Variants in SAMMSON observed in about 807,000 individuals in gnomAD.
The protein encoded by SAMMSON is long intergenic non-protein coding RNA 1212.
At chr3:70,006,744 G>A (rs955336533) in intron 1 of SAMMSON, among the ~76,000 whole-genome samples, 2 of 151,300 alleles carry the variant, frequency 1.3e-5, no homozygotes, top group African/African-American at 4.9e-5. Context: ...TGCCATGTTG[G>A]TGTGCTGCAC....
intron 6 of SAMMSON, among the ~76,000 whole-genome samples, chr3:70,265,447 C>G (rs144140988): frequency 6.6e-6 from 1 of 152,044 alleles, no homozygotes; most frequent in African/African-American, 2.4e-5. Flanking sequence ...ATTTGATGAC[C>G]ACCACCCCAA....
At chr3:70,049,331 C>T (rs1024468262) in intron 3 of SAMMSON, among the ~76,000 whole-genome samples, 7 of 152,100 alleles carry the variant, frequency 4.6e-5, no homozygotes, top group African/African-American at 1.4e-4. Flanking sequence ...AAAGGCTACC[C>T]AGAGGAAATA....
At chr3:70,224,545 C>G (rs1332457963) in intron 4 of SAMMSON, among the ~76,000 whole-genome samples, 1 of 152,160 alleles carries the variant, frequency 6.6e-6, no homozygotes, top group Non-Finnish European at 1.5e-5. Flanking sequence ...ATACATTTAA[C>G]ACAACACTAT....
chr3:70,403,035 A>T (rs1210304270), intron 2 of SAMMSON, among the ~76,000 whole-genome samples: 2 of 152,158 alleles, frequency 1.3e-5, no homozygotes, highest in African/African-American at 4.8e-5. Context: ...TATGCTTTAT[A>T]GTCACAGATG....
chr3:70,383,397 C>CA (rs1237736980), intron 9 of SAMMSON, among the ~76,000 whole-genome samples: 1 of 149,756 alleles, frequency 6.7e-6, no homozygotes, highest in Non-Finnish European at 1.5e-5. Context: ...CAGGTAAAAG[C>CA]AAAAAGTCAT....
chr3:70,085,316 A>G (rs2106643517), intron 4 of SAMMSON, among the ~76,000 whole-genome samples: 1 of 152,292 alleles, frequency 6.6e-6, no homozygotes, highest in Admixed American at 6.5e-5. Context: ...ACATGCGAGA[A>G]TTCTTTCTGG....
chr3:70,286,680 C>T (rs1229334304), intron 6 of SAMMSON, among the ~76,000 whole-genome samples: 1 of 152,054 alleles, frequency 6.6e-6, no homozygotes, highest in Admixed American at 6.6e-5. Context: ...ATTGATTCTT[C>T]CTACCCATGA....
intron 7 of SAMMSON, among the ~76,000 whole-genome samples, chr3:70,293,290 T>TA (rs1362294824): frequency 6.6e-6 from 1 of 152,084 alleles, no homozygotes; most frequent in Admixed American, 6.6e-5. Context: ...AACAATTACA[T>TA]ACAATTATCA....
intron 4 of SAMMSON, among the ~76,000 whole-genome samples, chr3:70,228,072 G>A (rs933649746): frequency 1.3e-5 from 2 of 151,744 alleles, no homozygotes; most frequent in Non-Finnish European, 2.9e-5. Context: ...ATATCAGATT[G>A]AATAGGTCAC....
At chr3:70,025,000 G>T (rs12496787) in intron 3 of SAMMSON, 42,348 of 151,930 alleles carry the variant, frequency 0.28, 6,356 homozygotes, top group East Asian at 0.57. Flanking sequence ...GGGAGAAGAT[G>T]GGGCTGGAAG....
chr3:70,267,321 A>G (rs1242534172), intron 6 of SAMMSON, among the ~76,000 whole-genome samples: 1 of 151,132 alleles, frequency 6.6e-6, no homozygotes, highest in Non-Finnish European at 1.5e-5. Flanking sequence ...TCATCTAAGT[A>G]TCAAGTTTTC....
intron 3 of SAMMSON, among the ~76,000 whole-genome samples, chr3:70,040,594 G>T (rs1408116628): frequency 3.9e-5 from 6 of 152,118 alleles, no homozygotes. Flanking sequence ...CTAAAATCAT[G>T]AGTCAATGCT....
intron 6 of SAMMSON, among the ~76,000 whole-genome samples, chr3:70,254,092 C>G (rs756083146): frequency 7.2e-5 from 11 of 151,832 alleles, no homozygotes; most frequent in Non-Finnish European, 1.6e-4. Context: ...TTTTAATATT[C>G]TTTTCAGAGC....
chr3:70,160,258 A>G (rs1423079032), intron 4 of SAMMSON, among the ~76,000 whole-genome samples: 4 of 151,552 alleles, frequency 2.6e-5, no homozygotes, highest in African/African-American at 9.7e-5. Context: ...GTTTTCTTCT[A>G]TAAGTTGTAT....
chr3:70,280,514 G>A (rs896963145), intron 6 of SAMMSON, among the ~76,000 whole-genome samples: 1 of 152,130 alleles, frequency 6.6e-6, no homozygotes, highest in African/African-American at 2.4e-5. Context: ...TAGGGGAGCT[G>A]AGCTGAAGCA....
At chr3:70,017,439 C>T (rs1462820272) in intron 3 of SAMMSON, among the ~76,000 whole-genome samples, 2 of 151,978 alleles carry the variant, frequency 1.3e-5, no homozygotes, top group African/African-American at 4.8e-5. Context: ...AATTTGTATC[C>T]TGAGACTTTG....
At chr3:70,006,018 ATAGTTT>A (rs1158188410) in intron 1 of SAMMSON, among the ~76,000 whole-genome samples, 1 of 152,214 alleles carries the variant, frequency 6.6e-6, no homozygotes, top group Non-Finnish European at 1.5e-5. Flanking sequence ...TAAAAGAATT[ATAGTTT>A]TAATAACTAG....
chr3:70,215,346 C>T (rs1442386097), intron 4 of SAMMSON, among the ~76,000 whole-genome samples: 2 of 152,048 alleles, frequency 1.3e-5, no homozygotes, highest in African/African-American at 2.4e-5. Context: ...GCTTCAGAAA[C>T]GAAGCACTCT....
chr3:70,013,352 A>G (rs543450115), intron 2 of SAMMSON, among the ~76,000 whole-genome samples: 7 of 152,294 alleles, frequency 4.6e-5, no homozygotes, highest in South Asian at 2.1e-4. Flanking sequence ...GTAAAATCAT[A>G]CATATAAAGC....
Sources: allele counts gnomAD v4.1 joint callset (sites outside exome capture counted in the v4.1 genomes callset), GRCh38; gene constraint gnomAD v4.1.1; transcripts MANE v1.5; gene names NCBI Gene and HGNC (gene_info 2026-07-23, HGNC 2026-07-21).